Variants in NOL9 observed in about 807,000 individuals in gnomAD.
NOL9 encodes polynucleotide 5'-hydroxyl-kinase NOL9.
NOL9 carries 28 observed loss-of-function variants against 67.9 expected under a neutral mutation model. The observed-to-expected ratio is 0.41, with a 90% CI of 0.31 to 0.57. The LOEUF is 0.57. NOL9 is among the 20% of genes least tolerant of loss of function. The pLI is 0.25. For missense variants in NOL9, 777 were observed against 897.0 expected, an observed-to-expected ratio of 0.87 and a Z score of 1.71; for synonymous variants, 356 against 352.2, an observed-to-expected ratio of 1.01 and a Z score of -0.12.
intron 10 of NOL9, among the ~76,000 whole-genome samples, chr1:6,528,779 T>G (rs575774660): frequency 6.6e-6 from 1 of 152,162 alleles, no homozygotes; most frequent in Non-Finnish European, 1.5e-5. Context: ...GCCCAGGCCC[T>G]TGGGAAGCCT....
At chr1:6,544,036 G>C (rs993281706) in intron 5 of NOL9, among the ~76,000 whole-genome samples, 3 of 152,178 alleles carry the variant, frequency 2.0e-5, no homozygotes, top group African/African-American at 4.8e-5. Context: ...TGAGGTAGGA[G>C]AATCACTTGA....
intron 5 of NOL9, among the ~76,000 whole-genome samples, chr1:6,542,196 C>G (rs1639308806): frequency 6.7e-6 from 1 of 148,468 alleles, no homozygotes; most frequent in Non-Finnish European, 1.5e-5. Context: ...GAGTCTCACG[C>G]TGTTGCCCAG....
At chr1:6,540,422 G>GA (rs975485949) in intron 6 of NOL9, among the ~76,000 whole-genome samples, 1 of 151,898 alleles carries the variant, frequency 6.6e-6, no homozygotes, top group Non-Finnish European at 1.5e-5. Context: ...AAGCCCAGCC[G>GA]AGAGTTATTC....
At chr1:6,533,529 G>T in intron 6 of NOL9, 88 bp from the exon 7 acceptor site, 1 of 965,722 alleles carries the variant, frequency 1.0e-6, no homozygotes, top group Non-Finnish European at 1.5e-6. Flanking sequence ...TGTTTCAGCC[G>T]TTATCACTGA....
chr1:6,523,965 G>C lies in NOL9; in HGVS notation c.*1889C>G, dbSNP rs1478243917. On this transcript the variant is annotated 3_prime_UTR_variant, in exon 12 of 12. Coordinates refer to ENST00000377705, the MANE Select transcript of NOL9 (RefSeq NM_024654.5). ...AGAGCCTTGCTGCAAATGACCTCCA[G>C]TGAGTATAACTGTAAGATACACGAA... 2 of 152,222 alleles carry C rather than the reference G, an allele frequency of 1.3e-5. No individual in the cohort carries two copies. The highest frequency in any genetic ancestry group is 4.8e-5 in the African/African-American group (2 of 41,458). The allele number at this position is 152,222 out of a possible 1,614,324, so 9.4% of individuals were successfully genotyped here.
rs370538456 is a variant in NOL9 at position 6,550,499 on chromosome 1, G to C, written c.513C>G (p.His171Gln). 30 of 1,614,142 alleles carry C rather than the reference G, an allele frequency of 1.9e-5. No homozygotes were observed. In the African/African-American group the frequency reaches 2.3e-4, roughly 12 times the overall value. The change falls in exon 2 of 12, where the codon CAC (histidine) becomes CAG (glutamine). Residue 171 changes from histidine to glutamine, a missense_variant. This residue lies in a region of NOL9 where 364 missense variants were observed against 344.4 expected (regional missense o/e 1.06). Transcript: ENST00000377705. ...GAAGTGCATGGATACTCAAGCAAGAGTGGGTATACACAGAGAAGATGTCTT... is the reference window on the plus strand; with the variant it reads ...GAAGTGCATGGATACTCAAGCAAGACTGGGTATACACAGAGAAGATGTCTT... ...PAQDIFSVYT[H>Q]SCLSIHALHY...
At chr1:6,534,865 G>A (rs546202864) in intron 6 of NOL9, among the ~76,000 whole-genome samples, 41 of 152,040 alleles carry the variant, frequency 2.7e-4, no homozygotes, top group African/African-American at 9.6e-4. Flanking sequence ...GTGCAGTGGC[G>A]CAATCTCAGC....
In NOL9 at chr1:6,524,103, C is replaced by G. The variant is rs1234194767; in HGVS notation, c.*1751G>C. The G allele has an allele frequency of 6.6e-6, 1 of 152,148 alleles. No homozygotes were observed. The highest frequency in any genetic ancestry group is 1.5e-5 in the Non-Finnish European group (1 of 68,036). 9.4% of individuals were successfully genotyped at this position (152,148 alleles called of 1,614,324 possible). On this transcript the variant is annotated 3_prime_UTR_variant, in exon 12 of 12. Coordinates refer to ENST00000377705, the MANE Select transcript of NOL9 (RefSeq NM_024654.5). ...AGATTTCAACATAAATAAGGGGCAA[C>G]TAAGAAGCTAGACTCAATTGTCTCA...
intron 3 of NOL9, chr1:6,549,185 A>T (rs1639486781): frequency 6.3e-6 from 1 of 157,614 alleles, no homozygotes; most frequent in Admixed American, 6.3e-5. Flanking sequence ...TGACCCTGGG[A>T]GGCGGGGTTG....
intron 5 of NOL9, among the ~76,000 whole-genome samples, chr1:6,543,183 G>A (rs986759455): frequency 2.3e-4 from 34 of 147,718 alleles, no homozygotes; most frequent in Admixed American, 2.0e-3. Context: ...CAGAAGCCAC[G>A]GTGCCCAGCC....
rs1638962381 is a variant in NOL9, at chr1:6,529,190, T to C, written c.1648-19A>G. ...AAGGGACCTGGAAAATGAATTTGCA[T>C]CTCACTCTATTCATGGCTACTTTGA... On this transcript the variant is annotated intron_variant, in intron 9 of 11. Transcript: ENST00000377705. 1 of 1,606,346 alleles carries C rather than the reference T, an allele frequency of 6.2e-7. No individual in the cohort carries two copies.
intron 6 of NOL9, among the ~76,000 whole-genome samples, chr1:6,534,953 G>A (rs1410289800): frequency 2.0e-5 from 3 of 152,078 alleles, no homozygotes; most frequent in African/African-American, 7.2e-5. Context: ...ACAGGCACTC[G>A]CCACCACACC....
rs1363431273 is a variant in NOL9, at chr1:6,554,312, T to C, written c.191A>G (p.Glu64Gly). The C allele has an allele frequency of 6.8e-7, 1 of 1,475,446 alleles. No individual in the cohort carries two copies. Among genetic ancestry groups the C allele is most frequent in the African/African-American group, 1.5e-5 (1 of 67,788 alleles). 91.4% of individuals were successfully genotyped at this position (1,475,446 alleles called of 1,614,324 possible). The change falls in exon 1 of 12, where the codon GAG becomes GGG. Residue 64 changes from glutamate to glycine, a missense_variant. By Grantham distance (98) the Glu-to-Gly change is moderately conservative (BLOSUM62 -2). Coordinates refer to ENST00000377705, the MANE Select transcript of NOL9 (RefSeq NM_024654.5). ...CGCGCGCGACACCTGGCGGGCTCCC[T>C]CCCTCCAGTCCACGCCGGACGCCTG... ...QAQASGVDWR[E>G]GARQVSRAAA...
intron 5 of NOL9, among the ~76,000 whole-genome samples, chr1:6,542,517 G>T (rs1327279418): frequency 1.3e-5 from 2 of 150,476 alleles, no homozygotes; most frequent in East Asian, 2.0e-4. Flanking sequence ...GAGTGCAGTG[G>T]CGCGATCTTG....
chr1:6,549,240 G>C (rs544030532), intron 3 of NOL9: 10 of 222,078 alleles, frequency 4.5e-5, no homozygotes, highest in South Asian at 2.0e-4. Flanking sequence ...CTGAGTGACA[G>C]AGTGAGACTC....
rs376665355 is a variant in NOL9 at position 6,525,849 on chromosome 1, G to A, written c.*5C>T. ...AAGTTTCTTCCCTTATTAAAAACGC[G>A]AGCATCACTTCATTTTTCGACAGAA... is the stretch of plus-strand genomic sequence containing the variant. On this transcript the variant is annotated 3_prime_UTR_variant, in exon 12 of 12. Transcript: ENST00000377705. 2.5e-5 allele frequency: 40 copies of A among 1,613,636 alleles called. No individual in the cohort carries two copies. The African/African-American group carries it at 4.0e-4, about 16-fold the overall frequency.
intron 6 of NOL9, among the ~76,000 whole-genome samples, chr1:6,538,926 C>CA (rs1639215032): frequency 6.6e-6 from 1 of 152,170 alleles, no homozygotes; most frequent in African/African-American, 2.4e-5. Flanking sequence ...GAGCTGAGAT[C>CA]ACGCCACTGC....
In NOL9 at chr1:6,554,278, G is replaced by GGCC; in HGVS notation, c.222_224dup (p.Ala75dup). 6.8e-7 allele frequency: 1 copy of GGCC among 1,473,462 alleles called. No homozygotes were observed. Among genetic ancestry groups the GGCC allele is most frequent in the Non-Finnish European group, 9.0e-7 (1 of 1,114,880 alleles). The allele number at this position is 1,473,462 out of a possible 1,614,324, so 91.3% of individuals were successfully genotyped here. The stretch of plus-strand genomic sequence containing the variant: ...TGGGGGTCGCGGTGTTGGGTCTCCG[G>GGCC]GCCGCCGCCGCGCGCGACACCTGGC... On this transcript the variant is annotated inframe_insertion, in exon 1 of 12. Coordinates refer to ENST00000377705, the MANE Select transcript of NOL9 (RefSeq NM_024654.5).
At chr1:6,531,942 C>T (rs1639038091) in intron 9 of NOL9, 26 bp downstream of exon 9, 1 of 1,574,316 alleles carries the variant, frequency 6.4e-7, no homozygotes, top group Non-Finnish European at 8.7e-7. Context: ...AAAATGAAGA[C>T]AATTTCTCCT....
Sources: gnomAD v4.1 joint callset for allele counts (sites outside exome capture counted in the v4.1 genomes callset) on GRCh38, gnomAD v4.1.1 for gene constraint, gnomAD v4.1.1 regional missense constraint, MANE v1.5 for transcripts, NCBI Gene and HGNC (gene_info 2026-07-23, HGNC 2026-07-21) for gene names.